The following NAV3 variants were observed in gnomAD, a reference collection of about 807,000 sequenced individuals.
The protein encoded by NAV3 is pore membrane and/or filament interacting like protein 1.
Under a neutral mutation model 244.7 loss-of-function variants are expected in NAV3, and 87 were observed. The observed-to-expected ratio is 0.36, with a 90% CI of 0.30 to 0.42. NAV3 has a LOEUF of 0.42. Among genes scored for constraint, NAV3 ranks in the 20% least tolerant of loss-of-function variants. The pLI is 1.00. For missense variants in NAV3, 2,663 were observed against 2,893.3 expected, an observed-to-expected ratio of 0.92 and a Z score of 1.83; for synonymous variants, 1,126 against 1,042.2, an observed-to-expected ratio of 1.08 and a Z score of -1.55.
rs1218128002 is a variant in NAV3, at chr12:77,662,859, G to A, written c.72+90593G>A. ...ATAGATTTGTTTTATCCAAGAGCAT[G>A]TTGATGATAAAATTCACCTTTTCCG... On this transcript the variant is annotated intron_variant, in intron 2 of 8. Transcript: ENST00000550042. Among the ~76,000 whole-genome samples, 4 of 152,210 alleles carry A rather than the reference G, an allele frequency of 2.6e-5. No individual in the cohort carries two copies. In the East Asian group the frequency reaches 7.7e-4, roughly 29 times the overall value.
intron 2 of NAV3, among the ~76,000 whole-genome samples, chr12:77,637,849 G>T (rs971558909): frequency 2.3e-4 from 35 of 152,156 alleles, no homozygotes; most frequent in African/African-American, 7.7e-4. Flanking sequence ...TCCAAAGAAG[G>T]TAATTACTTT....
rs1189173971 is a variant in NAV3, at chr12:78,050,976, C to T, written c.2345C>T (p.Thr782Ile). Residue 782 changes from threonine to isoleucine, a missense_variant, in exon 11 of 40, where the codon ACC becomes ATC. By Grantham distance (89) the Thr-to-Ile change is moderately conservative (BLOSUM62 -1). Around this residue, in one of 6 missense-constraint regions of NAV3, gnomAD observed 1,521 missense variants for 1,497.0 expected, o/e 1.02. Transcript: ENST00000397909. Reference sequence around the variant, plus strand: ...ACAGACCCCTCGAGGTTCATGTATACCACGCCTCTCCGTCGAGCTGCTGTC... The same window carrying T: ...ACAGACCCCTCGAGGTTCATGTATATCACGCCTCTCCGTCGAGCTGCTGTC... ...IHTDPSRFMY[T>I]TPLRRAAVSR... 1.2e-6 allele frequency: 2 copies of T among 1,614,080 alleles called. No homozygotes were observed. Among genetic ancestry groups the T allele is most frequent in the Non-Finnish European group, 1.7e-6 (2 of 1,180,022 alleles).
chr12:78,113,839 C>A (rs1955230749), intron 12 of NAV3, among the ~76,000 whole-genome samples: 1 of 152,210 alleles, frequency 6.6e-6, no homozygotes, highest in Non-Finnish European at 1.5e-5. Context: ...ATGGCATCAT[C>A]AGGTTGCAAA....
intron 2 of NAV3, among the ~76,000 whole-genome samples, chr12:77,657,374 C>G (rs575049295): frequency 5.9e-4 from 90 of 152,250 alleles, no homozygotes; most frequent in African/African-American, 2.1e-3. Context: ...GGATAAATTC[C>G]TCGACACATA....
chr12:77,716,267 AGTAATAGCAAGTTTTTTTTTTTCCTTTG>A (rs1876355895), intron 2 of NAV3, among the ~76,000 whole-genome samples: 1 of 151,346 alleles, frequency 6.6e-6, no homozygotes, highest in South Asian at 2.1e-4. Context: ...TGTCCAGAAA[AGTAATAGCAAGTTTTTTTTTTTCCTTTG>A]GTATTTTTGG....
At chr12:78,064,956 C>T (rs1884835996) in intron 12 of NAV3, among the ~76,000 whole-genome samples, 1 of 151,924 alleles carries the variant, frequency 6.6e-6, no homozygotes, top group Non-Finnish European at 1.5e-5. Context: ...AGAAGTTTCC[C>T]AATTTTTAAG....
In NAV3 at chr12:77,831,520, T is replaced by C. The variant is rs779939077; in HGVS notation, c.59T>C (p.Val20Ala). ...LRQPAVGSKPVHTALPIPNLG... is the reference protein window; with the variant it reads ...LRQPAVGSKPAHTALPIPNLG... ...CAGCCAGCTGTTGGGTCAAAGCCTG[T>C]GCATACTGCTCTTCCGATACCAAAT... The change falls in exon 1 of 40, where the codon GTG (valine) becomes GCG (alanine). Residue 20 changes from valine to alanine, a missense_variant. By Grantham distance (64) the Val-to-Ala change is moderately conservative. This residue lies in a region of NAV3 where 1,521 missense variants were observed against 1,497.0 expected (regional missense o/e 1.02). Coordinates refer to ENST00000397909, the MANE Select transcript of NAV3 (RefSeq NM_001024383.2). 3.7e-6 allele frequency: 6 copies of C among 1,613,970 alleles called. No homozygotes were observed. The highest frequency in any genetic ancestry group is 5.1e-6 in the Non-Finnish European group (6 of 1,179,986).
At chr12:77,713,295 T>C (rs1413477019) in intron 2 of NAV3, among the ~76,000 whole-genome samples, 6 of 152,210 alleles carry the variant, frequency 3.9e-5, no homozygotes. Context: ...TAAAATACCG[T>C]TTTCTTCAGT....
At chr12:78,154,647 C>T (rs1299861421) in intron 22 of NAV3, among the ~76,000 whole-genome samples, 1 of 151,660 alleles carries the variant, frequency 6.6e-6, no homozygotes, top group Admixed American at 6.6e-5. Context: ...CTTCACCTAA[C>T]ACAAGTCAGG....
chr12:78,192,716 G>GA (rs1456499287), intron 34 of NAV3, among the ~76,000 whole-genome samples: 3 of 151,944 alleles, frequency 2.0e-5, no homozygotes, highest in Non-Finnish European at 2.9e-5. Context: ...AGCCCAGAAA[G>GA]AAACTCTTGA....
At chr12:78,196,224 G>A (rs566872378) in intron 34 of NAV3, among the ~76,000 whole-genome samples, 14 of 152,054 alleles carry the variant, frequency 9.2e-5, no homozygotes, top group African/African-American at 3.4e-4. Flanking sequence ...TAGCTCAATA[G>A]AAAACAAATA....
chr12:78,005,016 T>C (rs769357137), intron 7 of NAV3, among the ~76,000 whole-genome samples: 4 of 152,172 alleles, frequency 2.6e-5, no homozygotes, highest in Non-Finnish European at 4.4e-5. Flanking sequence ...CTTGTTTCTC[T>C]TTTCTAAGGA....
intron 2 of NAV3, among the ~76,000 whole-genome samples, chr12:77,710,858 C>T (rs77236477): frequency 0.052 from 7,968 of 152,078 alleles, 476 homozygotes; most frequent in African/African-American, 0.15. Context: ...ATCTATTTGG[C>T]AAAATTTATT....
At position 77,879,438 on chromosome 12, in the gene NAV3, C is replaced by T. The variant is rs972068316; in HGVS notation, c.243+47734C>T. Among the ~76,000 whole-genome samples, 5 of 152,110 alleles carry T rather than the reference C, an allele frequency of 3.3e-5. No individual in the cohort carries two copies. In the South Asian group the frequency reaches 1.0e-3, roughly 32 times the overall value. On this transcript the variant is annotated intron_variant, in intron 1 of 39. Transcript: ENST00000397909. The stretch of plus-strand genomic sequence containing the variant: ...TTCCTAAGACTTTGGGAGGTCCAGG[C>T]AGGTGGATCACTTGAGCGCAGGAGT...
chr12:78,178,851 A>G (rs1958373193), intron 28 of NAV3, among the ~76,000 whole-genome samples: 1 of 152,152 alleles, frequency 6.6e-6, no homozygotes. Flanking sequence ...TGTCCACAAA[A>G]CAATAAAAAC....
chr12:78,181,339 T>C (rs916628500), intron 30 of NAV3, among the ~76,000 whole-genome samples: 1 of 152,076 alleles, frequency 6.6e-6, no homozygotes, highest in Non-Finnish European at 1.5e-5. Flanking sequence ...TCAGTGATGA[T>C]AATTAGTACT....
intron 16 of NAV3, among the ~76,000 whole-genome samples, chr12:78,124,124 A>C (rs1955802517): frequency 6.6e-6 from 1 of 152,228 alleles, no homozygotes; most frequent in Admixed American, 6.5e-5. Context: ...AATTATTAAG[A>C]TAATCTGCAA....
chr12:77,868,959 C>T (rs533458063), intron 1 of NAV3, among the ~76,000 whole-genome samples: 27 of 152,036 alleles, frequency 1.8e-4, no homozygotes, highest in African/African-American at 6.5e-4. Context: ...GTAGTCCCAG[C>T]TACTTGGGAG....
intron 2 of NAV3, among the ~76,000 whole-genome samples, chr12:77,590,174 G>A (rs1040234321): frequency 4.2e-5 from 6 of 143,726 alleles, no homozygotes; most frequent in Non-Finnish European, 9.6e-5. Flanking sequence ...TAGAGGCTGT[G>A]CACTTAAATT....
Sources: gnomAD v4.1 joint callset for allele counts (sites outside exome capture counted in the v4.1 genomes callset) on GRCh38, gnomAD v4.1.1 for gene constraint, gnomAD v4.1.1 regional missense constraint, MANE v1.5 for transcripts, NCBI Gene and HGNC (gene_info 2026-07-23, HGNC 2026-07-21) for gene names.